The following GALNT14 variants were observed in gnomAD, a reference collection of about 807,000 sequenced individuals.
The protein encoded by GALNT14 is polypeptide N-acetylgalactosaminyltransferase 14, also known as UDP-GalNAc:polypeptide N-acetylgalactosaminyltransferase 14.
Under a neutral mutation model 77.5 loss-of-function variants are expected in GALNT14, and 60 were observed. The observed-to-expected ratio is 0.77, with a 90% CI of 0.63 to 0.96. The LOEUF is 0.96. Ranked by LOEUF, GALNT14 falls within the 40% of genes least tolerant of loss-of-function variation. The pLI is 0.00. For missense variants in GALNT14, 710 were observed against 731.0 expected, an observed-to-expected ratio of 0.97 and a Z score of 0.33; for synonymous variants, 280 against 281.7, an observed-to-expected ratio of 0.99 and a Z score of 0.06.
At chr2:31,110,321 C>A (rs1455306241) in intron 1 of GALNT14, among the ~76,000 whole-genome samples, 8 of 152,184 alleles carry the variant, frequency 5.3e-5, no homozygotes, top group African/African-American at 1.9e-4. Flanking sequence ...GTTGTCCCAC[C>A]TGTAGACAAT....
intron 1 of GALNT14, among the ~76,000 whole-genome samples, chr2:31,134,540 C>T (rs948866483): frequency 1.3e-5 from 2 of 152,224 alleles, no homozygotes; most frequent in African/African-American, 2.4e-5. Flanking sequence ...CCTCCTAAAC[C>T]AACGCCTCTG....
chr2:31,026,859 G>A (rs776782310), intron 1 of GALNT14, among the ~76,000 whole-genome samples: 4 of 152,192 alleles, frequency 2.6e-5, no homozygotes, highest in African/African-American at 4.8e-5. Flanking sequence ...AGTCTTCCCA[G>A]GGCTGCCCAC....
chr2:31,069,564 G>A (rs750772221), intron 1 of GALNT14, among the ~76,000 whole-genome samples: 7 of 152,046 alleles, frequency 4.6e-5, no homozygotes, highest in African/African-American at 9.7e-5. Context: ...CCTGAGTGCC[G>A]GCACCCTGGG....
At chr2:31,014,113 G>A (rs1179868407) in intron 1 of GALNT14, among the ~76,000 whole-genome samples, 1 of 152,148 alleles carries the variant, frequency 6.6e-6, no homozygotes, top group Non-Finnish European at 1.5e-5. Context: ...TCCATCACCT[G>A]TAAAATGGGG....
At chr2:31,013,250 A>G (rs1314082313) in intron 1 of GALNT14, among the ~76,000 whole-genome samples, 1 of 150,540 alleles carries the variant, frequency 6.6e-6, no homozygotes, top group Admixed American at 6.7e-5. Context: ...GGAACACACA[A>G]AACAGTCTTC....
intron 1 of GALNT14, among the ~76,000 whole-genome samples, chr2:31,028,466 G>A (rs1429003560): frequency 1.3e-5 from 2 of 152,234 alleles, no homozygotes; most frequent in East Asian, 3.8e-4. Flanking sequence ...AAGATTCAGG[G>A]TTTCAGGGCA....
chr2:31,059,423 G>T (rs1285952364), intron 1 of GALNT14, among the ~76,000 whole-genome samples: 3 of 152,138 alleles, frequency 2.0e-5, no homozygotes, highest in Admixed American at 1.3e-4. Flanking sequence ...ACTATGATCT[G>T]AACATCTGTG....
chr2:31,109,625 C>A (rs562459299), intron 1 of GALNT14, among the ~76,000 whole-genome samples: 1 of 152,316 alleles, frequency 6.6e-6, no homozygotes, highest in South Asian at 2.1e-4. Flanking sequence ...CTGGCCCCAC[C>A]GTCCTGCGGC....
intron 6 of GALNT14, among the ~76,000 whole-genome samples, chr2:30,951,465 G>C (rs181384714): frequency 6.6e-6 from 1 of 152,234 alleles, no homozygotes; most frequent in Admixed American, 6.5e-5. Context: ...GATTGCCCAT[G>C]GGTATGAGGT....
chr2:31,071,200 G>A (rs1337992909), intron 1 of GALNT14, among the ~76,000 whole-genome samples: 1 of 152,086 alleles, frequency 6.6e-6, no homozygotes, highest in Non-Finnish European at 1.5e-5. Context: ...CACCACTAAA[G>A]AACTTACTCA....
chr2:31,123,242 T>C (rs1461589836), intron 1 of GALNT14, among the ~76,000 whole-genome samples: 1 of 150,988 alleles, frequency 6.6e-6, no homozygotes, highest in East Asian at 2.0e-4. Context: ...CATGTATTAA[T>C]AATTTTCATG....
intron 1 of GALNT14, among the ~76,000 whole-genome samples, chr2:31,113,021 AC>A (rs1677919237): frequency 6.6e-6 from 1 of 152,308 alleles, no homozygotes; most frequent in South Asian, 2.1e-4. Flanking sequence ...TCAAACTAAC[AC>A]TGAAACCCCT....
intron 1 of GALNT14, among the ~76,000 whole-genome samples, chr2:31,038,971 C>T (rs552100853): frequency 4.0e-4 from 61 of 152,214 alleles, no homozygotes; most frequent in African/African-American, 1.4e-3. Context: ...GTCTTGAACT[C>T]CTAGCCTCAA....
At chr2:30,946,182 C>T (rs865876950) in intron 6 of GALNT14, among the ~76,000 whole-genome samples, 1 of 152,078 alleles carries the variant, frequency 6.6e-6, no homozygotes, top group Non-Finnish European at 1.5e-5. Flanking sequence ...AAGGGGCAAT[C>T]GAGAAGAAGG....
intron 1 of GALNT14, among the ~76,000 whole-genome samples, chr2:31,123,357 G>A (rs1678518116): frequency 6.6e-6 from 1 of 152,102 alleles, no homozygotes; most frequent in Non-Finnish European, 1.5e-5. Flanking sequence ...GAAAGTAGGG[G>A]TTGCAGTTGA....
chr2:31,052,581 G>A (rs972775865), intron 1 of GALNT14, among the ~76,000 whole-genome samples: 2 of 152,120 alleles, frequency 1.3e-5, no homozygotes, highest in Non-Finnish European at 2.9e-5. Context: ...GCAGCAGCCT[G>A]GCACTCTAGC....
rs377029252 is a variant in GALNT14 at position 30,992,858 on chromosome 2, G to A, written c.279C>T (p.Ile93=). Residue 93 remains isoleucine, a synonymous_variant, in exon 2 of 15, where the codon ATC becomes ATT. Coordinates refer to ENST00000349752, the MANE Select transcript of GALNT14 (RefSeq NM_024572.4). ...AGTACCTCAGATGGCGAGTGTCCGG[G>A]ATGGCCCGATTGCTGGAGATCCGCT... ...ESERISSNRA[I]PDTRHLRCTL... is the part of the protein sequence containing the mutation. The A allele has an allele frequency of 4.3e-6, 7 of 1,613,982 alleles. No individual in the cohort carries two copies. In the African/African-American group the frequency reaches 5.3e-5, roughly 12 times the overall value.
intron 1 of GALNT14, among the ~76,000 whole-genome samples, chr2:31,026,802 T>C (rs185775232): frequency 1.3e-5 from 2 of 152,332 alleles, no homozygotes; most frequent in Admixed American, 6.5e-5. Context: ...CCTGCTCATA[T>C]ACAAAGAAAA....
chr2:30,892,149 A>C, the GALNT14 span, among the ~76,000 whole-genome samples: 1 of 152,238 alleles, frequency 6.6e-6, no homozygotes, highest in Non-Finnish European at 1.5e-5. Context: ...TGTTCTTAGA[A>C]ATACTCTTAC....
Sources: gnomAD v4.1 joint callset for allele counts (sites outside exome capture counted in the v4.1 genomes callset) on GRCh38, gnomAD v4.1.1 for gene constraint, MANE v1.5 for transcripts, NCBI Gene and HGNC (gene_info 2026-07-23, HGNC 2026-07-21) for gene names.